MGAT4A: variants seen among roughly 807,000 people sequenced by gnomAD.
MGAT4A encodes the protein N-acetylglucosaminyltransferase IVa.
In MGAT4A, 33 loss-of-function variants were observed where a neutral mutation model predicts 74.1. The ratio of observed to expected loss-of-function variants is 0.45; its 90% CI spans 0.34 to 0.60. The LOEUF (loss-of-function observed/expected upper bound fraction) is 0.60, where lower values mean the gene tolerates loss of function less well. Among genes scored for constraint, MGAT4A ranks in the 20% least tolerant of loss-of-function variants. The pLI, the probability that MGAT4A is intolerant of heterozygous loss-of-function variation, is 0.02. For missense variants in MGAT4A, 479 were observed against 628.3 expected, an observed-to-expected ratio of 0.76 and a Z score of 2.54; for synonymous variants, 198 against 210.4, an observed-to-expected ratio of 0.94 and a Z score of 0.51.
Position 98,678,245 on chromosome 2 carries a change from A to ATAT in MGAT4A, c.262+58_262+59insATA, listed in dbSNP as rs1245453085. On this transcript the variant is annotated intron_variant, in intron 3 of 15. Transcript: ENST00000393487. ...ACTCTGTCTCAAAGAAAAAAAAAAA[A>ATAT]AAAAATATATATATATATATATAAA... is the stretch of plus-strand genomic sequence containing the variant. 373 of 373,890 alleles carry ATAT rather than the reference A, an allele frequency of 1.0e-3. 3 individuals are homozygous for ATAT. Among genetic ancestry groups the ATAT allele is most frequent in the African/African-American group, 8.8e-3 (335 of 38,024 alleles). 23.2% of individuals were successfully genotyped at this position (373,890 alleles called of 1,614,324 possible).
intron 2 of MGAT4A, among the ~76,000 whole-genome samples, chr2:98,687,239 T>C (rs1702143072): frequency 6.6e-6 from 1 of 150,642 alleles, no homozygotes; most frequent in Non-Finnish European, 1.5e-5. Flanking sequence ...ATTAGAATTC[T>C]AATGTAGTTC....
At chr2:98,712,931 G>A (rs1702537941) in intron 2 of MGAT4A, among the ~76,000 whole-genome samples, 1 of 151,922 alleles carries the variant, frequency 6.6e-6, no homozygotes, top group Non-Finnish European at 1.5e-5. Flanking sequence ...GCAAGCTGAG[G>A]TGGGAGGATT....
intron 2 of MGAT4A, among the ~76,000 whole-genome samples, chr2:98,705,745 C>T (rs1190761803): frequency 6.6e-6 from 1 of 151,586 alleles, no homozygotes; most frequent in Non-Finnish European, 1.5e-5. Context: ...AGATCGAGAC[C>T]ATCCTGGCTA....
At position 98,640,192 on chromosome 2, in the gene MGAT4A, G is replaced by A. The variant is rs1446703589; in HGVS notation, c.1057C>T (p.Arg353Cys). ...CDRQKANLRI[R>C]FRPSLFQHVG... Reference sequence around the variant, plus strand: ...TGTTGGAAAAGGGAAGGTCTGAAGCGAATTCGCAGATTTGCTTTCTGTCTA... The same window carrying A: ...TGTTGGAAAAGGGAAGGTCTGAAGCAAATTCGCAGATTTGCTTTCTGTCTA... The change falls in exon 11 of 16, where the codon CGC becomes TGC. Residue 353 changes from arginine to cysteine, a missense_variant. Coordinates refer to ENST00000393487, the MANE Select transcript of MGAT4A (RefSeq NM_012214.3). The A allele has an allele frequency of 1.5e-5, 25 of 1,613,744 alleles. No homozygotes were observed. The highest frequency in any genetic ancestry group is 2.2e-5 in the East Asian group (1 of 44,888).
chr2:98,717,060 T>C (rs1354838631), intron 2 of MGAT4A, among the ~76,000 whole-genome samples: 1 of 151,990 alleles, frequency 6.6e-6, no homozygotes, highest in African/African-American at 2.4e-5. Context: ...TTAAGGGGCA[T>C]TCCACAAAAA....
At chr2:98,645,300 A>T in intron 9 of MGAT4A, 128 bp downstream of exon 9, 1 of 617,956 alleles carries the variant, frequency 1.6e-6, no homozygotes, top group Non-Finnish European at 2.7e-6. Flanking sequence ...TACCTAACTT[A>T]AGTTTTCTCT....
At chr2:98,629,954 G>A (rs1442608832) in intron 14 of MGAT4A, among the ~76,000 whole-genome samples, 2 of 152,164 alleles carry the variant, frequency 1.3e-5, no homozygotes, top group Non-Finnish European at 2.9e-5. Flanking sequence ...CTGAGGCAGA[G>A]AGAAATGCTT....
intron 2 of MGAT4A, among the ~76,000 whole-genome samples, chr2:98,708,324 A>G (rs1321304157): frequency 2.6e-5 from 4 of 152,198 alleles, no homozygotes; most frequent in South Asian, 4.1e-4. Context: ...GGAAAATATT[A>G]TAAGATTAAT....
intron 2 of MGAT4A, among the ~76,000 whole-genome samples, chr2:98,682,461 A>C (rs1378353536): frequency 6.6e-6 from 1 of 150,888 alleles, no homozygotes; most frequent in Non-Finnish European, 1.5e-5. Flanking sequence ...CCACTTTGCA[A>C]CCATCATAGC....
intron 15 of MGAT4A, 48 bp from the exon 16 acceptor site, chr2:98,625,640 T>C: frequency 6.4e-7 from 1 of 1,571,332 alleles, no homozygotes; most frequent in Non-Finnish European, 8.7e-7. Flanking sequence ...TAATTCTCAA[T>C]TCCAAAAAGG....
At chr2:98,629,697 T>C (rs1456717950) in intron 14 of MGAT4A, among the ~76,000 whole-genome samples, 1 of 152,098 alleles carries the variant, frequency 6.6e-6, no homozygotes, top group Non-Finnish European at 1.5e-5. Context: ...TAAATTACAA[T>C]ATGCTGATAC....
At chr2:98,664,200 C>CAAAAAAAAAAAAAA (rs57981145) in intron 4 of MGAT4A, among the ~76,000 whole-genome samples, 7 of 51,488 alleles carry the variant, frequency 1.4e-4, no homozygotes, top group Admixed American at 3.0e-4. Context: ...GATTCCATCT[C>CAAAAAAAAAAAAAA]AAAAAAAAAA....
chr2:98,635,331 T>C (rs746340284), intron 13 of MGAT4A, 43 bp from the exon 14 acceptor site: 5 of 1,422,300 alleles, frequency 3.5e-6, no homozygotes, highest in Non-Finnish European at 4.8e-6. Context: ...TAATTCTTTC[T>C]ATTTAACCTA....
chr2:98,683,974 C>T (rs1454630901), intron 2 of MGAT4A, among the ~76,000 whole-genome samples: 1 of 152,178 alleles, frequency 6.6e-6, no homozygotes, highest in African/African-American at 2.4e-5. Flanking sequence ...CTCTCACATC[C>T]GTCCTTTGTT....
chr2:98,645,438 C>T lies in MGAT4A; in HGVS notation c.879G>A (p.Leu293=), dbSNP rs766719448. Residue 293 remains leucine, a synonymous_variant, in exon 9 of 16, where the codon CTG becomes CTA. Coordinates refer to ENST00000393487, the MANE Select transcript of MGAT4A (RefSeq NM_012214.3). ...TGACACTTTTCTTACCAATGAAGCC[C>T]AGCTGGGAAAACTCTAGAATCATCC... is the stretch of plus-strand genomic sequence containing the variant. The part of the protein sequence containing the change: ...EEWMILEFSQ[L]GFIGKMFQAP... 6.4e-7 allele frequency: 1 copy of T among 1,566,330 alleles called. No homozygotes were observed. Among genetic ancestry groups the T allele is most frequent in the South Asian group, 1.2e-5 (1 of 81,986 alleles).
At chr2:98,680,079 C>A (rs555607932) in intron 2 of MGAT4A, among the ~76,000 whole-genome samples, 1 of 145,098 alleles carries the variant, frequency 6.9e-6, no homozygotes, top group Non-Finnish European at 1.5e-5. Context: ...CTCACTCTGT[C>A]GCCCAGGCTT....
At chr2:98,719,910 G>C (rs1205314570) in intron 2 of MGAT4A, among the ~76,000 whole-genome samples, 1 of 152,162 alleles carries the variant, frequency 6.6e-6, no homozygotes, top group Non-Finnish European at 1.5e-5. Context: ...GCCTCCCAAA[G>C]TGCTGGGATT....
intron 5 of MGAT4A, 140 bp from the exon 6 acceptor site, chr2:98,658,404 C>T (rs1701692292): frequency 1.8e-6 from 1 of 570,942 alleles, no homozygotes; most frequent in Non-Finnish European, 3.1e-6. Context: ...ATTAAATTTG[C>T]ATTTCTGTAT....
rs1702011555 is a variant in MGAT4A at position 98,678,475 on chromosome 2, G to A, written c.95-4C>T. 1.3e-6 allele frequency: 2 copies of A among 1,558,908 alleles called. No individual in the cohort carries two copies. Among genetic ancestry groups the A allele is most frequent in the Non-Finnish European group, 1.7e-6 (2 of 1,144,710 alleles). On this transcript the variant is annotated splice_polypyrimidine_tract_variant and splice_region_variant and intron_variant, in intron 2 of 15. Transcript: ENST00000393487. Reference sequence around the variant, plus strand: ...CGTTGATAAGCAATCAGTTTTTCTAGAAGCAAAACCAAAACAGTTATAGTA... The same window carrying A: ...CGTTGATAAGCAATCAGTTTTTCTAAAAGCAAAACCAAAACAGTTATAGTA...
Sources: allele counts gnomAD v4.1 joint callset (sites outside exome capture counted in the v4.1 genomes callset), GRCh38; gene constraint gnomAD v4.1.1; transcripts MANE v1.5; gene names NCBI Gene and HGNC (gene_info 2026-07-23, HGNC 2026-07-21).